TMTC2: variants seen among roughly 807,000 people sequenced by gnomAD.
TMTC2 encodes the protein protein O-mannosyl-transferase TMTC2.
A neutral mutation model predicts 82.4 loss-of-function variants in TMTC2; 43 were observed. The observed-to-expected ratio is 0.52, with a 90% CI of 0.41 to 0.67. TMTC2 has a LOEUF of 0.67. Ranked by LOEUF, TMTC2 falls within the 30% of genes least tolerant of loss-of-function variation. The pLI is 0.00. For missense variants in TMTC2, 919 were observed against 1,012.4 expected (o/e 0.91, Z 1.25); for synonymous variants, 408 against 381.9 (o/e 1.07, Z -0.80).
chr12:82,930,811 T>C (rs937798791), intron 4 of TMTC2, among the ~76,000 whole-genome samples: 20 of 152,226 alleles, frequency 1.3e-4, no homozygotes, highest in Admixed American at 1.1e-3. Flanking sequence ...GGTTTAAATA[T>C]TTTTTAGTTC....
intron 1 of TMTC2, among the ~76,000 whole-genome samples, chr12:82,711,015 C>CATCCA (rs1248625479): frequency 6.6e-6 from 1 of 152,226 alleles, no homozygotes; most frequent in Non-Finnish European, 1.5e-5. Context: ...TCCTACATGA[C>CATCCA]ATCCAAGTTC....
chr12:82,759,238 T>G (rs1297593462), intron 1 of TMTC2: 1 of 152,212 alleles, frequency 6.6e-6, no homozygotes, highest in Non-Finnish European at 1.5e-5. Context: ...GTCTCAGTGC[T>G]CTAGTGTGTA....
chr12:83,022,477 A>C (rs1880977600), intron 8 of TMTC2, among the ~76,000 whole-genome samples: 1 of 150,622 alleles, frequency 6.6e-6, no homozygotes, highest in South Asian at 2.1e-4. Flanking sequence ...CCACCACTAA[A>C]ATGTGAGCTG....
At chr12:82,893,379 AAAAAAG>A (rs571683478) in intron 2 of TMTC2, among the ~76,000 whole-genome samples, 2,287 of 148,846 alleles carry the variant, frequency 0.015, 36 homozygotes, top group African/African-American at 0.048. Context: ...CAAAAAAAAA[AAAAAAG>A]AAAAGAAAAG....
chr12:82,920,190 A>G (rs1391055737), intron 3 of TMTC2, among the ~76,000 whole-genome samples: 3 of 152,180 alleles, frequency 2.0e-5, no homozygotes, highest in Admixed American at 1.3e-4. Flanking sequence ...TCTTCAAATT[A>G]CTAACATAAG....
chr12:83,009,331 C>G (rs1343005657), intron 8 of TMTC2, among the ~76,000 whole-genome samples: 3 of 152,090 alleles, frequency 2.0e-5, no homozygotes, highest in Non-Finnish European at 2.9e-5. Context: ...TTGAGTACCC[C>G]CTAAGACTGT....
At chr12:82,913,643 C>T (rs1452256394) in intron 3 of TMTC2, among the ~76,000 whole-genome samples, 3 of 152,110 alleles carry the variant, frequency 2.0e-5, no homozygotes, top group Non-Finnish European at 4.4e-5. Flanking sequence ...GATTTTTCCT[C>T]TATCTTACTT....
intron 1 of TMTC2, among the ~76,000 whole-genome samples, chr12:82,772,742 C>A (rs1191315520): frequency 6.6e-6 from 1 of 152,036 alleles, no homozygotes; most frequent in African/African-American, 2.4e-5. Flanking sequence ...CCCCTGGAAC[C>A]AAAAGCTAAG....
At chr12:83,082,125 A>G (rs1883493328) in intron 11 of TMTC2, among the ~76,000 whole-genome samples, 1 of 152,254 alleles carries the variant, frequency 6.6e-6, no homozygotes, top group Non-Finnish European at 1.5e-5. Context: ...TTTCATCTAC[A>G]TTGAAGCTGC....
intron 3 of TMTC2, among the ~76,000 whole-genome samples, chr12:82,904,302 T>C (rs1874177311): frequency 1.3e-5 from 2 of 152,216 alleles, no homozygotes; most frequent in African/African-American, 4.8e-5. Context: ...CAGTCTACCA[T>C]GTGCTTTAAT....
chr12:82,851,432 A>G (rs1171997200), intron 1 of TMTC2, among the ~76,000 whole-genome samples: 1 of 152,164 alleles, frequency 6.6e-6, no homozygotes, highest in African/African-American at 2.4e-5. Context: ...AACAACAAAA[A>G]ATTGCTAACA....
intron 4 of TMTC2, among the ~76,000 whole-genome samples, chr12:82,938,228 C>A (rs1329146992): frequency 2.0e-5 from 3 of 151,870 alleles, no homozygotes; most frequent in Admixed American, 2.0e-4. Flanking sequence ...TAGATTCAAT[C>A]CTAATAAGGG....
chr12:82,915,603 G>A (rs143827893), intron 3 of TMTC2, among the ~76,000 whole-genome samples: 10 of 152,320 alleles, frequency 6.6e-5, no homozygotes, highest in African/African-American at 2.4e-4. Flanking sequence ...TGGTTTGGGC[G>A]ATAAAATTAA....
chr12:82,697,470 G>C (rs1872867988), intron 1 of TMTC2, among the ~76,000 whole-genome samples: 2 of 151,998 alleles, frequency 1.3e-5, no homozygotes, highest in Admixed American at 1.3e-4. Flanking sequence ...ATGTATTACA[G>C]ATAAGCTATC....
intron 1 of TMTC2, among the ~76,000 whole-genome samples, chr12:82,763,205 GA>G (rs1313353992): frequency 1.3e-5 from 2 of 150,342 alleles, no homozygotes; most frequent in African/African-American, 4.9e-5. Flanking sequence ...AAAAAAACAA[GA>G]AAAAAATAAT....
intron 1 of TMTC2, among the ~76,000 whole-genome samples, chr12:82,844,315 C>G (rs1306437754): frequency 6.6e-6 from 1 of 152,118 alleles, no homozygotes; most frequent in Non-Finnish European, 1.5e-5. Context: ...ACAGCACATG[C>G]GTAAAGGCAA....
intron 3 of TMTC2, among the ~76,000 whole-genome samples, chr12:82,918,080 G>A (rs749584475): frequency 8.6e-5 from 13 of 152,036 alleles, no homozygotes; most frequent in Admixed American, 2.6e-4. Context: ...ACCATGTCTG[G>A]CTAAGTTTTG....
chr12:82,824,009 T>G (rs954184612), intron 1 of TMTC2, among the ~76,000 whole-genome samples: 3 of 151,824 alleles, frequency 2.0e-5, no homozygotes, highest in Non-Finnish European at 4.4e-5. Flanking sequence ...TTCTTGTGCC[T>G]CAGCCTCTCA....
At chr12:82,953,891 TCAAA>T (rs1323786605) in intron 4 of TMTC2, among the ~76,000 whole-genome samples, 2 of 152,022 alleles carry the variant, frequency 1.3e-5, no homozygotes, top group African/African-American at 4.8e-5. Context: ...TAAAGGACAA[TCAAA>T]CGAAATGAAA....
Sources: allele counts gnomAD v4.1 joint callset (sites outside exome capture counted in the v4.1 genomes callset), GRCh38; gene constraint gnomAD v4.1.1; transcripts MANE v1.5; gene names NCBI Gene and HGNC (gene_info 2026-07-23, HGNC 2026-07-21).